SPEN: variants seen among roughly 807,000 people sequenced by gnomAD.
The protein encoded by SPEN is spen family transcriptional repressor.
A neutral mutation model predicts 269.9 loss-of-function variants in SPEN; 18 were observed. That is an observed-to-expected ratio of 0.07 (90% CI 0.05 to 0.10). The LOEUF (loss-of-function observed/expected upper bound fraction) is 0.10. SPEN is among the 10% of genes least tolerant of loss of function. SPEN has a pLI of 1.00. For synonymous variants in SPEN, 1,726 were observed against 1,765.7 expected, an observed-to-expected ratio of 0.98 and a Z score of 0.56; for missense variants, 3,822 against 4,631.2, an observed-to-expected ratio of 0.83 and a Z score of 5.07.
chr1:15,887,438 C>T (rs539656758), intron 3 of SPEN, among the ~76,000 whole-genome samples: 38 of 151,648 alleles, frequency 2.5e-4, no homozygotes, highest in African/African-American at 6.5e-4. Context: ...CCCGCCACCA[C>T]GCCCAGCTAA....
At position 15,876,529 on chromosome 1, in the gene SPEN, A is replaced by G. The variant is rs1569993095; in HGVS notation, c.732A>G (p.Ser244=). The change falls in exon 3 of 15, where the codon TCA becomes TCG. Residue 244 remains serine (S), a synonymous_variant. Transcript: ENST00000375759. Reference sequence around the variant, plus strand: ...ATTACCAGCACAGCAGGAGTCGGTCACCACATTCATCCCAGTCTAGAAATC... The same window carrying G: ...ATTACCAGCACAGCAGGAGTCGGTCGCCACATTCATCCCAGTCTAGAAATC... ...ERNYQHSRSR[S]PHSSQSRNQS... is the part of the protein sequence containing the mutation. 6.2e-7 allele frequency: 1 copy of G among 1,614,130 alleles called. No homozygotes were observed. The highest frequency in any genetic ancestry group is 8.5e-7 in the Non-Finnish European group (1 of 1,180,032).
chr1:15,922,804 G>T (rs532714474), intron 10 of SPEN, among the ~76,000 whole-genome samples: 48 of 152,050 alleles, frequency 3.2e-4, no homozygotes, highest in Admixed American at 2.9e-3. Context: ...TGTAAAGATG[G>T]GTTTTCTCCA....
At chr1:15,891,923 T>C (rs1377695967) in intron 3 of SPEN, among the ~76,000 whole-genome samples, 3 of 151,762 alleles carry the variant, frequency 2.0e-5, no homozygotes, top group East Asian at 3.9e-4. Flanking sequence ...AAAAAACTTA[T>C]TTATGTTGGC....
intron 1 of SPEN, among the ~76,000 whole-genome samples, chr1:15,849,173 G>C (rs972934266): frequency 6.6e-6 from 1 of 152,184 alleles, no homozygotes; most frequent in Non-Finnish European, 1.5e-5. Flanking sequence ...GATTCAGAGG[G>C]ACCATAGCAA....
intron 3 of SPEN, among the ~76,000 whole-genome samples, chr1:15,908,427 C>CTT (rs548696560): frequency 1.4e-5 from 2 of 147,200 alleles, no homozygotes; most frequent in African/African-American, 2.5e-5. Context: ...TTCTTTAATT[C>CTT]TTTTTTTTTT....
Position 15,930,736 on chromosome 1 carries a change from A to T in SPEN, c.4496A>T (p.Lys1499Ile). 2 of 1,613,886 alleles carry T rather than the reference A, an allele frequency of 1.2e-6. No homozygotes were observed. The highest frequency in any genetic ancestry group is 1.7e-6 in the Non-Finnish European group (2 of 1,179,948). ...CCATCCTGGTACATGAAAAAGAAGAAAATTAGGACTGATTCAGAAGGGAAA... is the reference window on the plus strand; with the variant it reads ...CCATCCTGGTACATGAAAAAGAAGATAATTAGGACTGATTCAGAAGGGAAA... The part of the protein sequence containing the change: ...PIPSWYMKKK[K>I]IRTDSEGKMD... Residue 1499 changes from lysine (K) to isoleucine (I), a missense_variant, in exon 11 of 15, where the codon AAA becomes ATA. Lys to Ile is a moderately radical substitution (Grantham distance 102). Transcript: ENST00000375759. The surrounding 1 kb of genome is among the most constrained non-coding windows in gnomAD (Gnocchi z 5.3).
intron 3 of SPEN, among the ~76,000 whole-genome samples, chr1:15,904,275 C>T (rs2070930815): frequency 6.6e-6 from 1 of 151,414 alleles, no homozygotes; most frequent in South Asian, 2.1e-4. Flanking sequence ...GTCAGGAGTT[C>T]GAGACCAGCC....
Position 15,933,795 on chromosome 1 carries a change from C to T in SPEN, c.7555C>T (p.Pro2519Ser), listed in dbSNP as rs2071246679. 6.2e-7 allele frequency: 1 copy of T among 1,613,416 alleles called. No individual in the cohort carries two copies. The highest frequency in any genetic ancestry group is 8.5e-7 in the Non-Finnish European group (1 of 1,180,020). ...RAQSTPSPAL[P>S]PDTKASDVDT... Reference sequence around the variant, plus strand: ...TCAGTCTACTCCATCTCCAGCTCTTCCCCCAGACACAAAGGCCTCTGATGT... The same window carrying T: ...TCAGTCTACTCCATCTCCAGCTCTTTCCCCAGACACAAAGGCCTCTGATGT... Residue 2519 changes from proline (P) to serine (S), a missense_variant, in exon 11 of 15, where the codon CCC becomes TCC. Transcript: ENST00000375759. This position sits in a 1 kb window ranked among gnomAD's most constrained non-coding sequence, Gnocchi z 5.7.
Position 15,930,780 on chromosome 1 carries a change from G to A in SPEN, c.4540G>A (p.Asp1514Asn). The part of the protein sequence containing the change: ...SEGKMDDKKE[D>N]HKEEEQERQE... The stretch of plus-strand genomic sequence containing the variant: ...AGGGAAAATGGATGATAAGAAAGAG[G>A]ACCATAAAGAAGAAGAGCAAGAGAG... Residue 1514 changes from aspartate (D) to asparagine (N), a missense_variant, in exon 11 of 15, where the codon GAC (aspartate) becomes AAC (asparagine). This residue lies in a region of SPEN where 533 missense variants were observed against 618.8 expected (regional missense o/e 0.86). Transcript: ENST00000375759. The surrounding 1 kb of genome is among the most constrained non-coding windows in gnomAD (Gnocchi z 5.3). The A allele has an allele frequency of 6.2e-7, 1 of 1,614,146 alleles. No homozygotes were observed. The highest frequency in any genetic ancestry group is 8.5e-7 in the Non-Finnish European group (1 of 1,180,024).
At chr1:15,874,149 T>C in intron 2 of SPEN, 1 of 1,365,598 alleles carries the variant, frequency 7.3e-7, no homozygotes, top group Non-Finnish European at 9.8e-7. Flanking sequence ...GTCTGCTATC[T>C]CAAGAAAGAA....
rs965871044 is a variant in SPEN, at chr1:15,930,287, C to G, written c.4047C>G (p.Gly1349=). The G allele has an allele frequency of 1.2e-6, 2 of 1,614,004 alleles. No individual in the cohort carries two copies. Among genetic ancestry groups the G allele is most frequent in the African/African-American group, 1.3e-5 (1 of 74,888 alleles). The change falls in exon 11 of 15, where the codon GGC becomes GGG. Residue 1349 remains glycine (G), a synonymous_variant. Transcript: ENST00000375759. This position sits in a 1 kb window ranked among gnomAD's most constrained non-coding sequence, Gnocchi z 5.3. ...ACTCTCAGATGAAACAGGATGCTGG[C>G]AGATTTGATGTGAGTTTCCCAAACA... The part of the protein sequence containing the change: ...RWDSQMKQDA[G]RFDVSFPNSI...
chr1:15,879,763 C>A (rs894569489), intron 3 of SPEN, among the ~76,000 whole-genome samples: 2 of 151,902 alleles, frequency 1.3e-5, no homozygotes, highest in Non-Finnish European at 2.9e-5. Flanking sequence ...CTCCACCTCC[C>A]GGGTTCACGC....
rs1264397570 is a variant in SPEN, at chr1:15,864,753, G to A, written c.84-8063G>A. Among the ~76,000 whole-genome samples, 6 of 150,892 alleles carry A rather than the reference G, an allele frequency of 4.0e-5. No homozygotes were observed. In the East Asian group the frequency reaches 7.9e-4, roughly 20 times the overall value. On this transcript the variant is annotated intron_variant, in intron 1 of 14. Transcript: ENST00000375759. ...CCGAGTAGCTAGGGCTCAAGCTCCC[G>A]TCTCAGCCTACCGAGTAGCTAGGAC... is the stretch of plus-strand genomic sequence containing the variant.
chr1:15,917,107 G>A (rs1286599686), intron 6 of SPEN, among the ~76,000 whole-genome samples: 1 of 152,156 alleles, frequency 6.6e-6, no homozygotes, highest in Non-Finnish European at 1.5e-5. Flanking sequence ...CAGCGTGGGT[G>A]ACAGAGTGAG....
rs746256392 is a variant in SPEN, at chr1:15,933,719, C to G, written c.7479C>G (p.Ser2493Arg). ...PVASGGIPHQSPPTKVTEWIT... is the reference protein window; with the variant it reads ...PVASGGIPHQRPPTKVTEWIT... ...CCTCTGGGGGGATCCCACACCAGAG[C>G]CCCCCTACTAAGGTGACAGAGTGGA... is the stretch of plus-strand genomic sequence containing the variant. The change falls in exon 11 of 15, where the codon AGC becomes AGG. Residue 2493 changes from serine to arginine, a missense_variant. Coordinates refer to ENST00000375759, the MANE Select transcript of SPEN (RefSeq NM_015001.3). The surrounding 1 kb of genome is among the most constrained non-coding windows in gnomAD (Gnocchi z 5.7). 1.9e-6 allele frequency: 3 copies of G among 1,613,978 alleles called. No homozygotes were observed. In the East Asian group the frequency reaches 6.7e-5, roughly 36 times the overall value.
Position 15,936,193 on chromosome 1 carries a change from C to A in SPEN, c.9953C>A (p.Ala3318Asp). Residue 3318 changes from alanine (A) to aspartate (D), a missense_variant, in exon 11 of 15, where the codon GCC becomes GAC. Ala to Asp is a moderately radical substitution (Grantham distance 126, BLOSUM62 -2). Coordinates refer to ENST00000375759, the MANE Select transcript of SPEN (RefSeq NM_015001.3). ...YGDIRTYHPP[A>D]QLTHTQFPAA... ...GACATCCGCACCTACCACCCCCCGG[C>A]CCAGCTCACACACACTCAGTTTCCC... 2 of 1,591,240 alleles carry A rather than the reference C, an allele frequency of 1.3e-6. No homozygotes were observed. Among genetic ancestry groups the A allele is most frequent in the Non-Finnish European group, 1.7e-6 (2 of 1,164,452 alleles).
At position 15,876,596 on chromosome 1, in the gene SPEN, A is replaced by G. The variant is rs199736178; in HGVS notation, c.799A>G (p.Arg267Gly). The G allele has an allele frequency of 1.4e-4, 224 of 1,613,920 alleles. 2 individuals are homozygous for G. Among genetic ancestry groups the G allele is most frequent in the Admixed American group, 2.5e-4 (15 of 59,994 alleles). The stretch of plus-strand genomic sequence containing the variant: ...GGCTAGCCAAGCATCTAGACCCACA[A>G]GGTCCCCTAGCGGCAGCGGCTCTAG... ...RLASQASRPT[R>G]SPSGSGSRSR... is the part of the protein sequence containing the mutation. The change falls in exon 3 of 15, where the codon AGG becomes GGG. Residue 267 changes from arginine to glycine, a missense_variant. Arg to Gly is a moderately radical substitution (Grantham distance 125). Around this residue, in one of 16 missense-constraint regions of SPEN, gnomAD observed 327 missense variants for 350.8 expected, o/e 0.93. Coordinates refer to ENST00000375759, the MANE Select transcript of SPEN (RefSeq NM_015001.3).
Position 15,910,199 on chromosome 1 carries a change from G to C in SPEN, c.1042+718G>C, listed in dbSNP as rs114937903. ...AACTTATGTATCAGGTTTGTGAATA[G>C]AGTTATTGAGATACTAATGTTGATG... On this transcript the variant is annotated intron_variant, in intron 4 of 14. Coordinates refer to ENST00000375759, the MANE Select transcript of SPEN (RefSeq NM_015001.3). 6.6e-3 allele frequency among the ~76,000 whole-genome samples: 991 copies of C among 150,448 alleles called. 14 individuals are homozygous for C. Among genetic ancestry groups the C allele is most frequent in the African/African-American group, 0.023 (960 of 40,942 alleles).
intron 3 of SPEN, 43 bp from the exon 4 acceptor site, chr1:15,909,276 CTG>C (rs1557751790): frequency 6.4e-7 from 1 of 1,573,558 alleles, no homozygotes; most frequent in Non-Finnish European, 8.6e-7. Flanking sequence ...TGCTCATTTT[CTG>C]TTTGTCTTTT....
Sources: gnomAD v4.1 joint callset for allele counts (sites outside exome capture counted in the v4.1 genomes callset) on GRCh38, gnomAD v4.1.1 for gene constraint, gnomAD v4.1.1 regional missense constraint, Gnocchi (gnomAD v3.1) non-coding constraint, MANE v1.5 for transcripts, NCBI Gene and HGNC (gene_info 2026-07-23, HGNC 2026-07-21) for gene names.